PTPRD: variants seen among roughly 807,000 people sequenced by gnomAD.
The protein encoded by PTPRD is protein tyrosine phosphatase receptor type D, also known as receptor-type tyrosine-protein phosphatase delta.
A neutral mutation model predicts 214.5 loss-of-function variants in PTPRD; 34 were observed. The ratio of observed to expected loss-of-function variants is 0.16; its 90% CI spans 0.12 to 0.21. The LOEUF is 0.21. Ranked by LOEUF, PTPRD falls within the 10% of genes least tolerant of loss-of-function variation. PTPRD has a pLI of 1.00. For synonymous variants in PTPRD, 1,128 were observed against 845.7 expected (o/e 1.33, Z -5.79); for missense variants, 2,545 against 2,398.7 (o/e 1.06, Z -1.27).
At chr9:9,784,098 G>GA (rs1597706989) in intron 5 of PTPRD, among the ~76,000 whole-genome samples, 2 of 152,146 alleles carry the variant, frequency 1.3e-5, no homozygotes, top group East Asian at 1.9e-4. Context: ...ACACAAGTGC[G>GA]AAAGATTTCC....
chr9:8,943,517 A>G (rs1286143353), intron 11 of PTPRD, among the ~76,000 whole-genome samples: 3 of 151,706 alleles, frequency 2.0e-5, no homozygotes, highest in Admixed American at 2.0e-4. Flanking sequence ...AAGAACATAC[A>G]CTGTGGAAAG....
chr9:9,857,466 C>G (rs1450725242), intron 5 of PTPRD, among the ~76,000 whole-genome samples: 1 of 152,146 alleles, frequency 6.6e-6, no homozygotes, highest in Non-Finnish European at 1.5e-5. Context: ...TTATTTATCT[C>G]AAACCATTTT....
At chr9:9,667,377 C>T (rs1450161894) in intron 7 of PTPRD, among the ~76,000 whole-genome samples, 3 of 152,120 alleles carry the variant, frequency 2.0e-5, no homozygotes, top group African/African-American at 7.2e-5. Flanking sequence ...TAGTGCTCAA[C>T]TACTGAATAG....
At chr9:9,426,676 C>T (rs941214735) in intron 8 of PTPRD, among the ~76,000 whole-genome samples, 3 of 152,144 alleles carry the variant, frequency 2.0e-5, no homozygotes, top group Admixed American at 1.3e-4. Flanking sequence ...CGACTGACAC[C>T]TCATCTGGCT....
intron 8 of PTPRD, among the ~76,000 whole-genome samples, chr9:9,558,517 G>C (rs143929901): frequency 9.7e-4 from 148 of 152,202 alleles, no homozygotes; most frequent in African/African-American, 3.4e-3. Flanking sequence ...CTGATACATA[G>C]ACAGGCTTGA....
intron 2 of PTPRD, among the ~76,000 whole-genome samples, chr9:10,568,446 T>C (rs893783854): frequency 6.6e-5 from 10 of 152,226 alleles, no homozygotes; most frequent in Admixed American, 5.9e-4. Flanking sequence ...TGTGTCTTCA[T>C]AGCAGCATGA....
intron 4 of PTPRD, among the ~76,000 whole-genome samples, chr9:9,986,750 G>A (rs148064143): frequency 6.6e-6 from 1 of 152,058 alleles, no homozygotes; most frequent in Non-Finnish European, 1.5e-5. Flanking sequence ...ATTCACTTTT[G>A]TGATTGAAAT....
chr9:8,709,060 G>T (rs1273364962), intron 12 of PTPRD, among the ~76,000 whole-genome samples: 1 of 151,972 alleles, frequency 6.6e-6, no homozygotes, highest in Non-Finnish European at 1.5e-5. Flanking sequence ...TTTCATAGAA[G>T]TAGAAAGTGG....
At chr9:10,585,666 T>C (rs2132612688) in intron 2 of PTPRD, among the ~76,000 whole-genome samples, 1 of 152,064 alleles carries the variant, frequency 6.6e-6, no homozygotes, top group South Asian at 2.1e-4. Flanking sequence ...ATCTCTAAAT[T>C]GTAGGAATGC....
chr9:8,909,009 C>G (rs2098728106), intron 11 of PTPRD, among the ~76,000 whole-genome samples: 1 of 150,582 alleles, frequency 6.6e-6, no homozygotes, highest in Non-Finnish European at 1.5e-5. Context: ...TTATGGAAAA[C>G]TTTAAAACAA....
chr9:8,436,031 C>A (rs906150955), intron 35 of PTPRD, among the ~76,000 whole-genome samples: 1 of 152,148 alleles, frequency 6.6e-6, no homozygotes, highest in Non-Finnish European at 1.5e-5. Context: ...TATCACAAAT[C>A]AGTGTATTTG....
intron 7 of PTPRD, among the ~76,000 whole-genome samples, chr9:9,684,498 A>G (rs546159463): frequency 6.6e-6 from 1 of 151,786 alleles, no homozygotes; most frequent in Admixed American, 6.6e-5. Flanking sequence ...ATGCAATTCA[A>G]AGAAAGACTC....
intron 9 of PTPRD, among the ~76,000 whole-genome samples, chr9:9,333,513 T>C (rs2043184431): frequency 6.9e-6 from 1 of 145,748 alleles, no homozygotes; most frequent in South Asian, 2.1e-4. Flanking sequence ...ATTATATATA[T>C]ATATATATAT....
At chr9:8,790,845 A>C (rs1277266366) in intron 11 of PTPRD, among the ~76,000 whole-genome samples, 2 of 152,290 alleles carry the variant, frequency 1.3e-5, no homozygotes, top group East Asian at 3.9e-4. Flanking sequence ...AAGCTATTTA[A>C]ATTAATTTAA....
chr9:10,112,349 T>C (rs1294471064), intron 3 of PTPRD, among the ~76,000 whole-genome samples: 2 of 152,230 alleles, frequency 1.3e-5, no homozygotes, highest in Non-Finnish European at 2.9e-5. Context: ...ACAGATACTC[T>C]GTGTTTGCCT....
rs76660096 is a variant in PTPRD at position 10,542,201 on chromosome 9, C to A, written c.-600+70197G>T. Among the ~76,000 whole-genome samples the A allele has an allele frequency of 2.2e-3, 332 of 152,158 alleles. 3 individuals carry two copies. The highest frequency in any genetic ancestry group is 4.0e-3 in the Non-Finnish European group (269 of 67,964). On this transcript the variant is annotated intron_variant, in intron 2 of 45. Transcript: ENST00000381196. ...ACTTAATAAACACAGCTGCTTTGTA[C>A]TAAGAATAGCCTCCTCCTGTCAATC...
At chr9:9,400,209 G>A (rs1336460295) in intron 8 of PTPRD, among the ~76,000 whole-genome samples, 2 of 151,400 alleles carry the variant, frequency 1.3e-5, no homozygotes, top group Non-Finnish European at 2.9e-5. Context: ...CGTGCCAGAG[G>A]TAACATAGTT....
chr9:9,772,143 T>G (rs2098756879), intron 5 of PTPRD, among the ~76,000 whole-genome samples: 1 of 152,050 alleles, frequency 6.6e-6, no homozygotes, highest in Non-Finnish European at 1.5e-5. Flanking sequence ...CCTAATCCAA[T>G]GTGACTGGTG....
intron 11 of PTPRD, among the ~76,000 whole-genome samples, chr9:8,750,715 G>T (rs1025370932): frequency 6.6e-6 from 1 of 152,122 alleles, no homozygotes; most frequent in Admixed American, 6.5e-5. Context: ...GTTGTGGCTG[G>T]AGCCCAGAGA....
Sources: gnomAD v4.1 joint callset for allele counts (sites outside exome capture counted in the v4.1 genomes callset) on GRCh38, gnomAD v4.1.1 for gene constraint, MANE v1.5 for transcripts, NCBI Gene and HGNC (gene_info 2026-07-23, HGNC 2026-07-21) for gene names.